The following MDGA2 variants were observed in gnomAD, a reference collection of about 807,000 sequenced individuals.
MDGA2 encodes the protein MAM domain-containing glycosylphosphatidylinositol anchor protein 2.
A neutral mutation model predicts 117.8 loss-of-function variants in MDGA2; 40 were observed. That is an observed-to-expected ratio of 0.34 (90% CI 0.26 to 0.44). The LOEUF (loss-of-function observed/expected upper bound fraction) is 0.44, where lower values mean the gene tolerates loss of function less well. Among genes scored for constraint, MDGA2 ranks in the 20% least tolerant of loss-of-function variants. The pLI, the probability that MDGA2 is intolerant of heterozygous loss-of-function variation, is 1.00. For missense variants in MDGA2, 1,123 were observed against 1,250.6 expected, an observed-to-expected ratio of 0.90 and a Z score of 1.54; for synonymous variants, 452 against 439.0, an observed-to-expected ratio of 1.03 and a Z score of -0.37.
At chr14:47,087,234 G>GC (rs1231227690) in intron 6 of MDGA2, among the ~76,000 whole-genome samples, 1 of 151,846 alleles carries the variant, frequency 6.6e-6, no homozygotes, top group Non-Finnish European at 1.5e-5. Flanking sequence ...TAGATGGTTG[G>GC]CTGGGTGCGG....
At chr14:47,637,515 C>T (rs191012349) in intron 1 of MDGA2, among the ~76,000 whole-genome samples, 100 of 152,220 alleles carry the variant, frequency 6.6e-4, no homozygotes, top group Non-Finnish European at 1.0e-3. Flanking sequence ...TAGTTTTAAA[C>T]AATTTTCCAA....
At chr14:47,211,394 A>G (rs913852045) in intron 3 of MDGA2, among the ~76,000 whole-genome samples, 8 of 152,136 alleles carry the variant, frequency 5.3e-5, no homozygotes, top group African/African-American at 1.9e-4. Flanking sequence ...CTGAAGCCTC[A>G]AAAGTATGTG....
At chr14:47,563,629 TC>T (rs1895863539) in intron 1 of MDGA2, among the ~76,000 whole-genome samples, 1 of 143,944 alleles carries the variant, frequency 6.9e-6, no homozygotes, top group South Asian at 2.3e-4. Flanking sequence ...ATTTTTTTTT[TC>T]CATCTCTTTA....
intron 1 of MDGA2, among the ~76,000 whole-genome samples, chr14:47,430,481 A>G (rs1892777484): frequency 6.6e-6 from 1 of 152,080 alleles, no homozygotes; most frequent in Non-Finnish European, 1.5e-5. Context: ...AAGAAAGTGC[A>G]TGCTTAATTA....
At chr14:47,550,152 C>T (rs1379996947) in intron 1 of MDGA2, among the ~76,000 whole-genome samples, 1 of 152,094 alleles carries the variant, frequency 6.6e-6, no homozygotes, top group Non-Finnish European at 1.5e-5. Flanking sequence ...TACCCCTGCC[C>T]CCACGTCTTT....
chr14:47,665,852 T>C (rs1470296856), intron 1 of MDGA2, among the ~76,000 whole-genome samples: 19 of 35,486 alleles, frequency 5.4e-4, no homozygotes, highest in Non-Finnish European at 9.5e-4. Flanking sequence ...CACCCCACCA[T>C]GGACTCCTGC....
chr14:47,459,446 A>C (rs765370023), intron 1 of MDGA2, among the ~76,000 whole-genome samples: 1 of 151,644 alleles, frequency 6.6e-6, no homozygotes, highest in Non-Finnish European at 1.5e-5. Context: ...TAGATTTTTC[A>C]ATCAGTCGTC....
chr14:46,993,015 C>T (rs1404271937), intron 8 of MDGA2, among the ~76,000 whole-genome samples: 1 of 151,936 alleles, frequency 6.6e-6, no homozygotes, highest in East Asian at 1.9e-4. Context: ...ATAACTTATA[C>T]AATCTTGAGC....
At position 47,286,830 on chromosome 14, in the gene MDGA2, T is replaced by C. The variant is rs866958694; in HGVS notation, c.420+14581A>G. Among the ~76,000 whole-genome samples, 281 of 116,158 alleles carry C rather than the reference T, an allele frequency of 2.4e-3. 4 individuals carry two copies. The highest frequency in any genetic ancestry group is 7.5e-3 in the African/African-American group (265 of 35,238). The allele number at this position is 116,158 out of a possible 152,430, so 76.2% of individuals were successfully genotyped here. A position where few individuals can be genotyped will look rare whatever the true frequency, so the allele number is the denominator to read the frequency against. On this transcript the variant is annotated intron_variant, in intron 2 of 16. Transcript: ENST00000399232. ...ATATATATATATATATATATACATA[T>C]ATATATGTATATATATATATACTTT...
chr14:47,323,149 GATATATATATATATATAT>G lies in MDGA2; in HGVS notation c.281-21617_281-21600del, dbSNP rs58765297. On this transcript the variant is annotated intron_variant, in intron 1 of 16. Coordinates refer to ENST00000399232, the MANE Select transcript of MDGA2 (RefSeq NM_001113498.3). ...AAGCCCCAGAGAAAAAAGAGTCATG[GATATATATATATATATAT>G]ATATATATATATATATATATATATA... is the stretch of plus-strand genomic sequence containing the variant. Among the ~76,000 whole-genome samples, 96 of 107,688 alleles carry G rather than the reference GATATATATATATATATAT, an allele frequency of 8.9e-4. 1 individual carries two copies. The highest frequency in any genetic ancestry group is 1.5e-3 in the African/African-American group (40 of 26,570). 70.6% of individuals were successfully genotyped at this position (107,688 alleles called of 152,430 possible). A position where few individuals can be genotyped will look rare whatever the true frequency, so the allele number is the denominator to read the frequency against.
At chr14:47,039,646 A>C (rs1888989843) in intron 7 of MDGA2, among the ~76,000 whole-genome samples, 1 of 152,222 alleles carries the variant, frequency 6.6e-6, no homozygotes, top group Non-Finnish European at 1.5e-5. Context: ...AAAAAACAAC[A>C]ACCTGAAAAC....
chr14:46,918,049 G>T (rs553102264), intron 10 of MDGA2, among the ~76,000 whole-genome samples: 1 of 152,134 alleles, frequency 6.6e-6, no homozygotes, highest in Non-Finnish European at 1.5e-5. Flanking sequence ...GATGAGAAGG[G>T]TTGGGTAAAT....
intron 2 of MDGA2, among the ~76,000 whole-genome samples, chr14:47,299,076 C>T (rs1889188587): frequency 6.6e-6 from 1 of 152,080 alleles, no homozygotes; most frequent in South Asian, 2.1e-4. Context: ...AATATTGATA[C>T]CAAAACAATA....
chr14:47,117,769 G>C (rs1881412913), intron 5 of MDGA2, among the ~76,000 whole-genome samples: 1 of 152,064 alleles, frequency 6.6e-6, no homozygotes, highest in African/African-American at 2.4e-5. Flanking sequence ...GAAATGAAGA[G>C]TTACTAATCA....
chr14:47,480,641 T>C (rs753252934), intron 1 of MDGA2, among the ~76,000 whole-genome samples: 2 of 151,882 alleles, frequency 1.3e-5, no homozygotes, highest in African/African-American at 4.8e-5. Context: ...GTGATGAAGA[T>C]GCACTTCATT....
At chr14:47,035,408 G>A in intron 7 of MDGA2, 104 bp from the exon 8 acceptor site, 1 of 874,398 alleles carries the variant, frequency 1.1e-6, no homozygotes, top group Non-Finnish European at 1.7e-6. Context: ...CTGAAGAAAT[G>A]TGACAATTCG....
intron 3 of MDGA2, among the ~76,000 whole-genome samples, chr14:47,144,998 A>AAAATAATTT (rs1456771029): frequency 6.6e-6 from 1 of 151,804 alleles, no homozygotes; most frequent in African/African-American, 2.4e-5. Context: ...CTTATATATT[A>AAAATAATTT]AAAATAATTT....
intron 1 of MDGA2, among the ~76,000 whole-genome samples, chr14:47,583,743 T>C (rs17092688): frequency 0.33 from 50,453 of 151,672 alleles, 8,819 homozygotes; most frequent in African/African-American, 0.37. Context: ...CCAGATGATA[T>C]GTGATTACTT....
Position 47,241,409 on chromosome 14 carries a change from CTA to C in MDGA2, c.421-23216_421-23215del, listed in dbSNP as rs534540509. Among the ~76,000 whole-genome samples, 31 of 151,898 alleles carry C rather than the reference CTA, an allele frequency of 2.0e-4. 1 individual carries two copies. Among genetic ancestry groups the C allele is most frequent in the African/African-American group, 7.0e-4 (29 of 41,498 alleles). On this transcript the variant is annotated intron_variant, in intron 2 of 16. Transcript: ENST00000399232. ...CAACTCCCTGGGACTTAGAAAAATC[CTA>C]TCTTTTCCATTAAAATGTCAATTCC...
Sources: allele counts gnomAD v4.1 joint callset (sites outside exome capture counted in the v4.1 genomes callset), GRCh38; gene constraint gnomAD v4.1.1; transcripts MANE v1.5; gene names NCBI Gene and HGNC (gene_info 2026-07-23, HGNC 2026-07-21).